The following ZXDC variants were observed in gnomAD, a reference collection of about 807,000 sequenced individuals.
ZXDC encodes the protein ZXD family zinc finger C.
ZXDC carries 58 observed loss-of-function variants against 63.6 expected under a neutral mutation model. That is an observed-to-expected ratio of 0.91 (90% CI 0.74 to 1.13). The LOEUF (loss-of-function observed/expected upper bound fraction) is 1.13, where lower values mean the gene tolerates loss of function less well. Ranked by LOEUF, ZXDC falls within the 50% of genes most tolerant of loss-of-function variation. The probability of loss-of-function intolerance (pLI) is 0.00; values close to 1 mark genes in which losing one functional copy is unlikely to be tolerated. For missense variants in ZXDC, 1,133 were observed against 1,148.9 expected (o/e 0.99, Z 0.20); for synonymous variants, 561 against 496.1 (o/e 1.13, Z -1.74).
At chr3:126,462,327 G>A in intron 5 of ZXDC, 107 bp from the exon 6 acceptor site, 2 of 1,458,368 alleles carry the variant, frequency 1.4e-6, no homozygotes, top group East Asian at 2.4e-5. Context: ...AGCACTGACT[G>A]TCCTCTTCCC....
chr3:126,454,004 T>C (rs992787729), intron 7 of ZXDC: 13 of 865,888 alleles, frequency 1.5e-5, no homozygotes, highest in South Asian at 5.3e-5. Flanking sequence ...GGCATATATA[T>C]ATATAAGCAG....
chr3:126,452,805 C>G (rs1197693343), intron 7 of ZXDC, among the ~76,000 whole-genome samples: 1 of 150,652 alleles, frequency 6.6e-6, no homozygotes, highest in Non-Finnish European at 1.5e-5. Flanking sequence ...AGTGGCAGAT[C>G]CTAGCTCACG....
At chr3:126,454,815 C>G (rs952917564) in intron 7 of ZXDC, 29 of 985,286 alleles carry the variant, frequency 2.9e-5, no homozygotes, top group Non-Finnish European at 3.5e-5. Context: ...AAGAATAAAA[C>G]TTGACATTTT....
Position 126,461,749 on chromosome 3 carries a change from G to A in ZXDC, c.1913C>T (p.Thr638Ile). The A allele has an allele frequency of 6.2e-7, 1 of 1,614,116 alleles. No individual in the cohort carries two copies. Among genetic ancestry groups the A allele is most frequent in the East Asian group, 2.2e-5 (1 of 44,870 alleles). The change falls in exon 6 of 10, where the codon ACC becomes ATC. Residue 638 changes from threonine to isoleucine, a missense_variant. Coordinates refer to ENST00000389709, the MANE Select transcript of ZXDC (RefSeq NM_025112.5). ...GGGGGTGCTCGAAGAGGTCGGTGTG[G>A]TGATATGTGCTGCTAAGTTACTATT... ...TSNSNLAAHI[T>I]TPTSSSTPRE...
chr3:126,461,803 A>C lies in ZXDC; in HGVS notation c.1859T>G (p.Leu620Trp). Residue 620 changes from leucine (L) to tryptophan (W), a missense_variant, in exon 6 of 10, where the codon TTG (leucine) becomes TGG (tryptophan). By Grantham distance (61) the Leu-to-Trp change is moderately conservative. Coordinates refer to ENST00000389709, the MANE Select transcript of ZXDC (RefSeq NM_025112.5). ...GCLVALPMKN[L>W]SDDPLALTSN... ...GGTCAAAGCCAGTGGGTCGTCACTC[A>C]AGTTCTTCATGGGCAGAGCCACCAG... The C allele has an allele frequency of 6.2e-7, 1 of 1,613,984 alleles. No homozygotes were observed. The highest frequency in any genetic ancestry group is 8.5e-7 in the Non-Finnish European group (1 of 1,179,984).
chr3:126,466,689 G>A (rs192601689), intron 4 of ZXDC, among the ~76,000 whole-genome samples: 156 of 152,264 alleles, frequency 1.0e-3, no homozygotes, highest in African/African-American at 3.3e-3. Context: ...TAGTCATCTC[G>A]ATTAAGCTAT....
At chr3:126,458,871 A>C in intron 7 of ZXDC, 2 of 985,448 alleles carry the variant, frequency 2.0e-6, no homozygotes, top group Non-Finnish European at 2.4e-6. Context: ...TGCATACACT[A>C]TAGTGAAACA....
intron 8 of ZXDC, chr3:126,441,222 C>T: frequency 1.0e-6 from 1 of 985,956 alleles, no homozygotes; most frequent in Non-Finnish European, 1.2e-6. Context: ...CCCGGACAGG[C>T]TGGGAGGGGC....
chr3:126,466,538 G>A (rs184402175), intron 4 of ZXDC, among the ~76,000 whole-genome samples: 142 of 152,328 alleles, frequency 9.3e-4, no homozygotes, highest in African/African-American at 3.2e-3. Flanking sequence ...AGTGAAACCC[G>A]TAGGGAGATT....
chr3:126,441,463 G>T (rs1026035984), intron 8 of ZXDC: 4 of 1,175,840 alleles, frequency 3.4e-6, no homozygotes, highest in Non-Finnish European at 4.2e-6. Flanking sequence ...TGGGGGCCTC[G>T]GGCAGGGAGG....
chr3:126,462,401 C>T (rs1934594323), intron 5 of ZXDC, among the ~76,000 whole-genome samples, 181 bp from the exon 6 acceptor site: 1 of 152,162 alleles, frequency 6.6e-6, no homozygotes, highest in Non-Finnish European at 1.5e-5. Flanking sequence ...AACCGACACA[C>T]ACCCCAGGAA....
rs116147033 is a variant in ZXDC at position 126,462,006 on chromosome 3, G to T, written c.1656C>A (p.Asn552Lys). The change falls in exon 6 of 10, where the codon AAC becomes AAA. Residue 552 changes from asparagine (N) to lysine (K), a missense_variant. Physicochemically the swap from Asn to Lys is moderately conservative, Grantham distance 94. Coordinates refer to ENST00000389709, the MANE Select transcript of ZXDC (RefSeq NM_025112.5). The part of the protein sequence containing the change: ...VTSVSSSLGG[N>K]LPANNSSLGP... ...CTAGGGAGCTATTATTAGCAGGGAG[G>T]TTCCCTCCCAGAGAGGAGCTCACAG... 1.3e-3 allele frequency: 2,102 copies of T among 1,614,086 alleles called. 26 individuals are homozygous for T. In the African/African-American group the frequency reaches 0.025, roughly 19 times the overall value.
intron 7 of ZXDC, chr3:126,453,331 C>CT: frequency 1.0e-6 from 1 of 985,386 alleles, no homozygotes; most frequent in Non-Finnish European, 1.2e-6. Context: ...GCCATATCCC[C>CT]TTAAGGATAT....
chr3:126,463,314 C>G (rs1447090834), intron 5 of ZXDC, among the ~76,000 whole-genome samples: 1 of 152,170 alleles, frequency 6.6e-6, no homozygotes, highest in African/African-American at 2.4e-5. Context: ...CGTGATCGGC[C>G]CGCCTGGGCC....
rs766376612 is a variant in ZXDC at position 126,461,961 on chromosome 3, G to A, written c.1701C>T (p.Val567=). Residue 567 remains valine (V), a synonymous_variant, in exon 6 of 10, where the codon GTC becomes GTT. Transcript: ENST00000389709. ...GGGGAATATCACTGTGGGCCACCAG[G>A]ACCAGGGGTTCCATCGGCCCTAGGG... ...NSSLGPMEPL[V]LVAHSDIPPS... is the part of the protein sequence containing the mutation. The A allele has an allele frequency of 4.3e-6, 7 of 1,614,020 alleles. No homozygotes were observed. The East Asian group carries it at 1.1e-4, about 26-fold the overall frequency.
chr3:126,455,757 G>C (rs1934279370), intron 7 of ZXDC, among the ~76,000 whole-genome samples: 1 of 152,162 alleles, frequency 6.6e-6, no homozygotes, highest in Non-Finnish European at 1.5e-5. Flanking sequence ...CAGCACTTTG[G>C]GAGGCCGAGG....
chr3:126,444,331 G>A (rs746215318), intron 7 of ZXDC, among the ~76,000 whole-genome samples: 1 of 152,208 alleles, frequency 6.6e-6, no homozygotes, highest in Admixed American at 6.5e-5. Flanking sequence ...AGGAGATCGA[G>A]ACCATCCTGG....
At chr3:126,446,989 G>A (rs2107632584) in intron 7 of ZXDC, among the ~76,000 whole-genome samples, 1 of 152,310 alleles carries the variant, frequency 6.6e-6, no homozygotes, top group Non-Finnish European at 1.5e-5. Context: ...GACCAGCCCT[G>A]CCTGTGCTGA....
intron 8 of ZXDC, chr3:126,440,647 C>A: frequency 1.0e-6 from 1 of 986,388 alleles, no homozygotes; most frequent in Non-Finnish European, 1.2e-6. Context: ...CCTGCCCCTG[C>A]TCCTGGGGAG....
Sources: allele counts gnomAD v4.1 joint callset (sites outside exome capture counted in the v4.1 genomes callset), GRCh38; gene constraint gnomAD v4.1.1; transcripts MANE v1.5; gene names NCBI Gene and HGNC (gene_info 2026-07-23, HGNC 2026-07-21).